Variants in C4orf50 observed in about 807,000 individuals in gnomAD.
The protein encoded by C4orf50 is uncharacterized protein C4orf50.
Under a neutral mutation model 77.2 loss-of-function variants are expected in C4orf50, and 80 were observed. That is an observed-to-expected ratio of 1.04 (90% CI 0.87 to 1.25). The LOEUF (loss-of-function observed/expected upper bound fraction) is 1.25. Among genes scored for constraint, C4orf50 ranks in the 50% most tolerant of loss-of-function variants. C4orf50 has a pLI of 0.00. For synonymous variants in C4orf50, 532 were observed against 465.3 expected (o/e 1.14, Z -1.84); for missense variants, 1,257 against 1,152.9 (o/e 1.09, Z -1.31).
intron 31 of C4orf50, among the ~76,000 whole-genome samples, chr4:5,973,156 C>G (rs566358897): frequency 4.6e-5 from 7 of 152,202 alleles, no homozygotes; most frequent in African/African-American, 1.7e-4. Context: ...CAGGAGAGCT[C>G]CCTGCTCATG....
chr4:5,924,091 T>C (rs1717405680), intron 7 of C4orf50, among the ~76,000 whole-genome samples: 1 of 152,200 alleles, frequency 6.6e-6, no homozygotes, highest in African/African-American at 2.4e-5. Context: ...GGCCACAGAT[T>C]GAAGTCTGCA....
intron 7 of C4orf50, among the ~76,000 whole-genome samples, chr4:5,935,249 T>C (rs1322565964): frequency 6.6e-6 from 1 of 152,164 alleles, no homozygotes; most frequent in Admixed American, 6.5e-5. Context: ...CAGTTCGACA[T>C]GGACGCAGAC....
At chr4:5,952,138 G>A (rs1328689131), downstream of C4orf50, among the ~76,000 whole-genome samples, 1 of 152,146 alleles carries the variant, frequency 6.6e-6, no homozygotes, top group Non-Finnish European at 1.5e-5. The surrounding 1 kb of genome is among the most constrained non-coding windows in gnomAD (Gnocchi z 4.4). Context: ...TAGGCACCAG[G>A]GATGGAGCTG....
exon 28 of C4orf50, chr4:5,988,403 G>C (rs571773387): frequency 6.2e-7 from 1 of 1,613,308 alleles, no homozygotes; most frequent in Non-Finnish European, 8.5e-7. Flanking sequence ...GAACACCTGG[G>C]CCTCTTCTCC....
rs1192981819 is a variant in C4orf50, at chr4:5,946,105, G to A, written c.*2474+10796C>T. Among the ~76,000 whole-genome samples, 7 of 152,198 alleles carry A rather than the reference G, an allele frequency of 4.6e-5. No individual in the cohort carries two copies. The East Asian group carries it at 7.7e-4, about 17-fold the overall frequency. On this transcript the variant is annotated intron_variant, in intron 7 of 7. Coordinates refer to the C4orf50 transcript ENST00000324058. The stretch of plus-strand genomic sequence containing the variant: ...TCTCCCAGCCTCCAGGAGCGGCAGC[G>A]CCCTCTCCCCGCCCTCTGAACCTAG...
intron 7 of C4orf50, among the ~76,000 whole-genome samples, chr4:5,949,683 A>AATGTAC: frequency 6.6e-6 from 1 of 152,300 alleles, no homozygotes; most frequent in Middle Eastern, 3.4e-3. Flanking sequence ...AATGTAAATA[A>AATGTAC]ATGTACTTAA....
intron 7 of C4orf50, among the ~76,000 whole-genome samples, chr4:5,950,801 A>G (rs1247016252): frequency 6.6e-6 from 1 of 152,226 alleles, no homozygotes; most frequent in Non-Finnish European, 1.5e-5. Flanking sequence ...TGACTTGTTC[A>G]TAGCTGAATC....
intron 7 of C4orf50, among the ~76,000 whole-genome samples, chr4:5,925,044 G>A (rs1717452562): frequency 6.6e-6 from 1 of 151,990 alleles, no homozygotes; most frequent in Non-Finnish European, 1.5e-5. Context: ...TCGCAGTGGT[G>A]GCCATGCACC....
chr4:5,966,448 G>A (rs1053922593), intron 32 of C4orf50, among the ~76,000 whole-genome samples: 4 of 151,670 alleles, frequency 2.6e-5, no homozygotes, highest in Middle Eastern at 3.4e-3. Context: ...GCACTCCAGC[G>A]TGGGCGACAG....
At chr4:5,972,784 G>A (rs1440967595) in intron 31 of C4orf50, among the ~76,000 whole-genome samples, 4 of 152,230 alleles carry the variant, frequency 2.6e-5, no homozygotes, top group African/African-American at 4.8e-5. Flanking sequence ...CATAAGGAGC[G>A]GAGCTAGTCT....
chr4:5,999,495 C>T (rs1721738730), intron 25 of C4orf50, among the ~76,000 whole-genome samples: 1 of 152,328 alleles, frequency 6.6e-6, no homozygotes, highest in South Asian at 2.1e-4. Context: ...ACCCTCCCCA[C>T]CATTTCCCCA....
intron 7 of C4orf50, among the ~76,000 whole-genome samples, chr4:5,907,315 T>C (rs1248669529): frequency 6.6e-6 from 1 of 152,166 alleles, no homozygotes; most frequent in Admixed American, 6.5e-5. Flanking sequence ...AAAATCCATG[T>C]GGGACACTAA....
chr4:5,945,625 A>G (rs1718447486), intron 7 of C4orf50, among the ~76,000 whole-genome samples: 2 of 152,134 alleles, frequency 1.3e-5, no homozygotes, highest in Non-Finnish European at 2.9e-5. Context: ...AGAGGCCCCA[A>G]AGGGTGAGGC....
intron 7 of C4orf50, chr4:5,904,093 C>G (rs1262102947): frequency 6.6e-6 from 1 of 152,234 alleles, no homozygotes; most frequent in Non-Finnish European, 1.5e-5. Flanking sequence ...AGTCACCACC[C>G]ACTGTCTCAC....
intron 7 of C4orf50, among the ~76,000 whole-genome samples, chr4:5,942,949 T>A (rs970465656): frequency 6.6e-6 from 1 of 152,372 alleles, no homozygotes; most frequent in Non-Finnish European, 1.5e-5. Context: ...ACTTTATTTT[T>A]TTAATTTTCC....
chr4:5,949,893 G>A (rs2108755764), intron 7 of C4orf50, among the ~76,000 whole-genome samples: 1 of 150,880 alleles, frequency 6.6e-6, no homozygotes, highest in East Asian at 1.9e-4. Flanking sequence ...AGAGGCTGAG[G>A]CAGGAGAATC....
At chr4:5,924,902 G>A (rs578251279) in intron 7 of C4orf50, among the ~76,000 whole-genome samples, 198 of 152,288 alleles carry the variant, frequency 1.3e-3, no homozygotes, top group African/African-American at 3.9e-3. Flanking sequence ...CCCAGTGGCC[G>A]CCAGGTGCCA....
chr4:5,963,033 G>A (rs1474376163), intron 33 of C4orf50, among the ~76,000 whole-genome samples: 2 of 143,856 alleles, frequency 1.4e-5, no homozygotes, highest in Non-Finnish European at 3.0e-5. Context: ...ATGGAGTCTC[G>A]CTCTGTTGCC....
At chr4:5,942,445 T>C (rs1234521840) in intron 7 of C4orf50, among the ~76,000 whole-genome samples, 1 of 152,204 alleles carries the variant, frequency 6.6e-6, no homozygotes, top group Admixed American at 6.5e-5. Flanking sequence ...TTTCTTGGCA[T>C]CATTTAGAAA....
Sources: allele counts gnomAD v4.1 joint callset (sites outside exome capture counted in the v4.1 genomes callset), GRCh38; gene constraint gnomAD v4.1.1; non-coding constraint Gnocchi (gnomAD v3.1); transcripts MANE v1.5; gene names NCBI Gene and HGNC (gene_info 2026-07-23, HGNC 2026-07-21).